RGS20: variants seen among roughly 807,000 people sequenced by gnomAD.
RGS20 encodes the protein gz-selective GTPase-activating protein.
In RGS20, 30 loss-of-function variants were observed where a neutral mutation model predicts 33.6. The ratio of observed to expected loss-of-function variants is 0.89; its 90% CI spans 0.67 to 1.21. RGS20 has a LOEUF of 1.21. Ranked by LOEUF, RGS20 falls within the 50% of genes most tolerant of loss-of-function variation. The pLI is 0.00. For synonymous variants in RGS20, 208 were observed against 197.9 expected, an observed-to-expected ratio of 1.05 and a Z score of -0.43; for missense variants, 472 against 502.4, an observed-to-expected ratio of 0.94 and a Z score of 0.58.
intron 2 of RGS20, among the ~76,000 whole-genome samples, chr8:53,923,491 G>C (rs561054946): frequency 6.6e-6 from 1 of 152,042 alleles, no homozygotes; most frequent in African/African-American, 2.4e-5. Context: ...GCTACTTGGG[G>C]AGCTGAGGCA....
At chr8:53,860,323 TG>T (rs1272569733) in intron 1 of RGS20, among the ~76,000 whole-genome samples, 1 of 152,242 alleles carries the variant, frequency 6.6e-6, no homozygotes, top group Non-Finnish European at 1.5e-5. Context: ...AGACTATATT[TG>T]GCTTATATGA....
At chr8:53,886,895 C>T (rs1233563574) in intron 2 of RGS20, 1 of 152,204 alleles carries the variant, frequency 6.6e-6, no homozygotes, top group Non-Finnish European at 1.5e-5. Context: ...CTACTCCTTA[C>T]CTCACCCTTA....
rs961043590 is a variant in RGS20, at chr8:53,942,476, AAAAAG to A, written c.659+2762_659+2766del. ...TCTGTCTGAAAAACAAAAACAAAAAAAAAAGAAAAGAAAAACCTATACCCTGGAAA... is the reference window on the plus strand; with the variant it reads ...TCTGTCTGAAAAACAAAAACAAAAAAAAAAGAAAAACCTATACCCTGGAAA... On this transcript the variant is annotated intron_variant, in intron 3 of 5. Transcript: ENST00000297313. 1.4e-4 allele frequency among the ~76,000 whole-genome samples: 22 copies of A among 151,946 alleles called. 1 individual carries two copies. Among genetic ancestry groups the A allele is most frequent in the Admixed American group, 9.8e-4 (15 of 15,258 alleles).
chr8:53,933,357 C>A (rs1814030412), intron 2 of RGS20, among the ~76,000 whole-genome samples: 1 of 151,906 alleles, frequency 6.6e-6, no homozygotes, highest in South Asian at 2.1e-4. Context: ...AGCTAAGAAC[C>A]TTGAAAAAAG....
intron 1 of RGS20, among the ~76,000 whole-genome samples, chr8:53,856,765 A>G (rs1563334245): frequency 6.6e-6 from 1 of 152,154 alleles, no homozygotes; most frequent in Admixed American, 6.5e-5. Context: ...CCACAAGGTT[A>G]TTTTTCAGCC....
At chr8:53,880,963 G>T (rs927979962) in intron 2 of RGS20, 40 of 1,579,332 alleles carry the variant, frequency 2.5e-5, no homozygotes, top group Non-Finnish European at 3.2e-5. Flanking sequence ...AATCGCCGAC[G>T]TAGAGAGGGC....
At chr8:53,863,188 T>C (rs911281177) in intron 1 of RGS20, among the ~76,000 whole-genome samples, 43 of 152,072 alleles carry the variant, frequency 2.8e-4, no homozygotes, top group African/African-American at 8.9e-4. Context: ...GGTCTCTCCA[T>C]GTTGGTCAGG....
At chr8:53,906,601 C>T (rs2129282355) in intron 2 of RGS20, among the ~76,000 whole-genome samples, 1 of 152,246 alleles carries the variant, frequency 6.6e-6, no homozygotes, top group East Asian at 1.9e-4. Context: ...TACTCAGAAA[C>T]ATTACTGCAG....
At chr8:53,884,646 C>T (rs1054080976) in intron 2 of RGS20, among the ~76,000 whole-genome samples, 3 of 152,222 alleles carry the variant, frequency 2.0e-5, no homozygotes, top group African/African-American at 7.2e-5. Context: ...AGAATGAAGA[C>T]TTCTGACTCA....
At chr8:53,934,624 C>G (rs1283675852) in intron 2 of RGS20, among the ~76,000 whole-genome samples, 1 of 152,122 alleles carries the variant, frequency 6.6e-6, no homozygotes, top group Non-Finnish European at 1.5e-5. Flanking sequence ...TTCTTAGAGA[C>G]CTACAAAGAG....
intron 3 of RGS20, chr8:53,946,429 A>C: frequency 2.0e-6 from 1 of 503,118 alleles, no homozygotes; most frequent in Non-Finnish European, 3.6e-6. Context: ...AATTGAACAC[A>C]ATAATTTCTA....
intron 3 of RGS20, among the ~76,000 whole-genome samples, chr8:53,943,864 GT>G (rs577904565): frequency 6.6e-6 from 1 of 151,644 alleles, no homozygotes; most frequent in East Asian, 1.9e-4. Context: ...TGCCTCTCAA[GT>G]TTTTTTTGGT....
chr8:53,881,437 C>T (rs34275650), intron 2 of RGS20, among the ~76,000 whole-genome samples: 2,747 of 152,166 alleles, frequency 0.018, 73 homozygotes, highest in African/African-American at 0.062. Context: ...ATTGACCACC[C>T]GAAGCGTATT....
At chr8:53,885,551 T>G (rs1563362974) in intron 2 of RGS20, among the ~76,000 whole-genome samples, 3 of 152,152 alleles carry the variant, frequency 2.0e-5, no homozygotes, top group Non-Finnish European at 2.9e-5. Context: ...GAGGCGGGGC[T>G]TGCAGTGACC....
At chr8:53,925,943 G>A (rs143357048) in intron 2 of RGS20, among the ~76,000 whole-genome samples, 5 of 152,156 alleles carry the variant, frequency 3.3e-5, no homozygotes, top group South Asian at 2.1e-4. Context: ...AAAGTAGGCC[G>A]GGCTCAGTGG....
At chr8:53,861,554 C>T (rs1361358668) in intron 1 of RGS20, among the ~76,000 whole-genome samples, 1 of 152,222 alleles carries the variant, frequency 6.6e-6, no homozygotes, top group Non-Finnish European at 1.5e-5. Flanking sequence ...TTTCCGAATT[C>T]TGTAATAAAT....
intron 2 of RGS20, among the ~76,000 whole-genome samples, chr8:53,921,315 G>A (rs1410659531): frequency 6.6e-6 from 1 of 152,114 alleles, no homozygotes; most frequent in Non-Finnish European, 1.5e-5. Context: ...CAGAGAATAA[G>A]TTGGGAAGTA....
chr8:53,919,557 G>C lies in RGS20; in HGVS notation c.511-20019G>C, dbSNP rs141930235. On this transcript the variant is annotated intron_variant, in intron 2 of 5. Coordinates refer to ENST00000297313, the MANE Select transcript of RGS20 (RefSeq NM_170587.4). ...GACAGGGTTTCACCATGTTGATCATGCTGGTCTGGTGTCGTTTGAAGCATA... is the reference window on the plus strand; with the variant it reads ...GACAGGGTTTCACCATGTTGATCATCCTGGTCTGGTGTCGTTTGAAGCATA... Among the ~76,000 whole-genome samples the C allele has an allele frequency of 1.1e-3, 173 of 151,212 alleles. 1 individual carries two copies. The highest frequency in any genetic ancestry group is 4.0e-3 in the African/African-American group (165 of 41,282).
chr8:53,916,123 A>G (rs1315795531), intron 2 of RGS20, among the ~76,000 whole-genome samples: 1 of 152,138 alleles, frequency 6.6e-6, no homozygotes, highest in African/African-American at 2.4e-5. Context: ...CCTGGGCTCA[A>G]GGGATCCTCC....
Sources: gnomAD v4.1 joint callset for allele counts (sites outside exome capture counted in the v4.1 genomes callset) on GRCh38, gnomAD v4.1.1 for gene constraint, MANE v1.5 for transcripts, NCBI Gene and HGNC (gene_info 2026-07-23, HGNC 2026-07-21) for gene names.